Variants in VPS41 observed in about 807,000 individuals in gnomAD.
VPS41 encodes VPS41 subunit of HOPS complex, also known as vacuolar protein sorting-associated protein 41 homolog.
A neutral mutation model predicts 130.9 loss-of-function variants in VPS41; 85 were observed. The observed-to-expected ratio is 0.65, with a 90% CI of 0.55 to 0.78. The LOEUF (loss-of-function observed/expected upper bound fraction) is 0.78, where lower values mean the gene tolerates loss of function less well. VPS41 is among the 30% of genes least tolerant of loss of function. The probability of loss-of-function intolerance (pLI) is 0.00; values close to 1 mark genes in which losing one functional copy is unlikely to be tolerated. For missense variants in VPS41, 874 were observed against 1,018.7 expected, an observed-to-expected ratio of 0.86 and a Z score of 1.93; for synonymous variants, 335 against 332.9, an observed-to-expected ratio of 1.01 and a Z score of -0.07.
intron 12 of VPS41, among the ~76,000 whole-genome samples, chr7:38,773,914 C>G (rs1211377082): frequency 6.6e-6 from 1 of 152,172 alleles, no homozygotes; most frequent in Non-Finnish European, 1.5e-5. Context: ...GAACTCTAGC[C>G]TTCCCTTTTA....
intron 1 of VPS41, among the ~76,000 whole-genome samples, chr7:38,906,752 A>C (rs1787277247): frequency 6.6e-6 from 1 of 152,216 alleles, no homozygotes; most frequent in Non-Finnish European, 1.5e-5. Context: ...AAAATCATTA[A>C]AATGGAAAGG....
intron 7 of VPS41, among the ~76,000 whole-genome samples, chr7:38,816,856 C>T (rs2116096335): frequency 6.6e-6 from 1 of 152,246 alleles, no homozygotes; most frequent in East Asian, 1.9e-4. Context: ...AGTGATCCTC[C>T]CACCTCAGCC....
chr7:38,777,572 G>A (rs1052791667), intron 10 of VPS41, among the ~76,000 whole-genome samples: 1 of 152,180 alleles, frequency 6.6e-6, no homozygotes, highest in African/African-American at 2.4e-5. Context: ...TTGTTTCAGA[G>A]CAGAAGCTAA....
intron 4 of VPS41, among the ~76,000 whole-genome samples, chr7:38,835,095 A>G (rs1281092866): frequency 6.6e-6 from 1 of 151,838 alleles, no homozygotes; most frequent in Non-Finnish European, 1.5e-5. Context: ...TACTTTTCCT[A>G]TTTCATATTT....
At chr7:38,776,253 TAAAC>T (rs940879555) in intron 11 of VPS41, among the ~76,000 whole-genome samples, 1 of 152,196 alleles carries the variant, frequency 6.6e-6, no homozygotes, top group Admixed American at 6.5e-5. Flanking sequence ...CACTAGGAAG[TAAAC>T]AAATATGTCT....
intron 10 of VPS41, among the ~76,000 whole-genome samples, chr7:38,780,269 G>A (rs905768457): frequency 6.6e-6 from 1 of 150,980 alleles, no homozygotes; most frequent in Non-Finnish European, 1.5e-5. Flanking sequence ...TCAGATCAAG[G>A]TCATCTAGAA....
At chr7:38,886,498 G>A (rs915829966) in intron 2 of VPS41, among the ~76,000 whole-genome samples, 5 of 152,246 alleles carry the variant, frequency 3.3e-5, no homozygotes, top group Non-Finnish European at 7.3e-5. Flanking sequence ...TGCTCACAGT[G>A]TAAACAAAGT....
At chr7:38,742,762 T>TAAAAA (rs371618498) in intron 24 of VPS41, among the ~76,000 whole-genome samples, 1 of 144,704 alleles carries the variant, frequency 6.9e-6, no homozygotes, top group East Asian at 2.0e-4. Context: ...CTACCAAACT[T>TAAAAA]AAAAAAAAAA....
chr7:38,762,327 G>A (rs949943585), intron 17 of VPS41, among the ~76,000 whole-genome samples: 1 of 152,172 alleles, frequency 6.6e-6, no homozygotes, highest in African/African-American at 2.4e-5. Context: ...ATCATAATAA[G>A]TAAAAGTCTA....
chr7:38,821,381 C>A, intron 5 of VPS41, 116 bp from the exon 6 acceptor site: 1 of 720,560 alleles, frequency 1.4e-6, no homozygotes. Context: ...TTTTAAGGCC[C>A]CGTGACCTCT....
chr7:38,758,187 G>A (rs1201990724), intron 18 of VPS41, among the ~76,000 whole-genome samples, 167 bp downstream of exon 18: 2 of 152,174 alleles, frequency 1.3e-5, no homozygotes, highest in Non-Finnish European at 2.9e-5. Flanking sequence ...TTTCACACAT[G>A]TCCTTATCGC....
At chr7:38,769,501 C>A (rs949987896) in intron 14 of VPS41, among the ~76,000 whole-genome samples, 10 of 152,166 alleles carry the variant, frequency 6.6e-5, no homozygotes, top group African/African-American at 2.4e-4. Flanking sequence ...GGCTCCACTA[C>A]GATGTCCCAC....
Position 38,795,507 on chromosome 7 carries a change from C to T in VPS41, c.675G>A (p.Lys225=), listed in dbSNP as rs1239511330. Residue 225 remains lysine, a synonymous_variant, in exon 9 of 29, where the codon AAG becomes AAA. Coordinates refer to ENST00000310301, the MANE Select transcript of VPS41 (RefSeq NM_014396.4). The part of the protein sequence containing the change: ...PDMYPCSLCW[K]DNVTLIIGWG... ...AGCCAATAATCAGTGTCACATTGTC[C>T]TTCCAGCAGAGGCTGCAGGGATACA... The T allele has an allele frequency of 1.9e-6, 3 of 1,613,406 alleles. No individual in the cohort carries two copies. Among genetic ancestry groups the T allele is most frequent in the South Asian group, 1.1e-5 (1 of 90,970 alleles).
At chr7:38,846,296 G>A (rs1176867729) in intron 4 of VPS41, among the ~76,000 whole-genome samples, 1 of 152,196 alleles carries the variant, frequency 6.6e-6, no homozygotes, top group African/African-American at 2.4e-5. Context: ...AGCAGGGTCT[G>A]TGTTTCATTA....
At chr7:38,871,467 A>G (rs940928780) in intron 2 of VPS41, among the ~76,000 whole-genome samples, 1 of 152,210 alleles carries the variant, frequency 6.6e-6, no homozygotes, top group Non-Finnish European at 1.5e-5. Context: ...TCCTGACTTA[A>G]AAGAAAAAAC....
At chr7:38,756,213 T>TACACAC (rs3839727) in intron 19 of VPS41, among the ~76,000 whole-genome samples, 32,019 of 146,458 alleles carry the variant, frequency 0.22, 3,839 homozygotes, top group East Asian at 0.36. Context: ...AGATTTCTTT[T>TACACAC]ACACACACAC....
At chr7:38,784,298 T>C (rs1241284323) in intron 10 of VPS41, among the ~76,000 whole-genome samples, 3 of 152,144 alleles carry the variant, frequency 2.0e-5, no homozygotes, top group Non-Finnish European at 4.4e-5. Flanking sequence ...ATAAGAGAAG[T>C]AGGAATCTGA....
chr7:38,849,865 G>A (rs1785812951), intron 4 of VPS41, among the ~76,000 whole-genome samples: 1 of 152,074 alleles, frequency 6.6e-6, no homozygotes, highest in Admixed American at 6.6e-5. Context: ...TAGGCCCAGG[G>A]GTGGAGCCCT....
intron 3 of VPS41, among the ~76,000 whole-genome samples, chr7:38,863,885 T>TTC (rs1449432969): frequency 6.6e-6 from 1 of 152,158 alleles, no homozygotes; most frequent in Non-Finnish European, 1.5e-5. Flanking sequence ...AAACAGGTAA[T>TTC]TCTGGGGGGA....
Sources: allele counts gnomAD v4.1 joint callset (sites outside exome capture counted in the v4.1 genomes callset), GRCh38; gene constraint gnomAD v4.1.1; transcripts MANE v1.5; gene names NCBI Gene and HGNC (gene_info 2026-07-23, HGNC 2026-07-21).